The following DUSP16 variants were observed in gnomAD, a reference collection of about 807,000 sequenced individuals.
DUSP16 encodes dual specificity protein phosphatase 16.
A neutral mutation model predicts 58.3 loss-of-function variants in DUSP16; 21 were observed. The ratio of observed to expected loss-of-function variants is 0.36; its 90% CI spans 0.26 to 0.52. The LOEUF (loss-of-function observed/expected upper bound fraction) is 0.52, where lower values mean the gene tolerates loss of function less well. Among genes scored for constraint, DUSP16 ranks in the 20% least tolerant of loss-of-function variants. The probability of loss-of-function intolerance (pLI) is 0.94; values close to 1 mark genes in which losing one functional copy is unlikely to be tolerated. For synonymous variants in DUSP16, 320 were observed against 323.8 expected (o/e 0.99, Z 0.12); for missense variants, 726 against 819.0 (o/e 0.89, Z 1.39).
At chr12:12,530,821 C>T (rs1160757850) in intron 1 of DUSP16, among the ~76,000 whole-genome samples, 1 of 151,976 alleles carries the variant, frequency 6.6e-6, no homozygotes, top group African/African-American at 2.4e-5. Context: ...ATCAAAGACA[C>T]ATTAAGCAAG....
rs1029453397 is a variant in DUSP16, at chr12:12,562,426, TGAA to T, written c.-678_-676del. 4.1e-5 allele frequency: 6 copies of T among 145,992 alleles called. No homozygotes were observed. Among genetic ancestry groups the T allele is most frequent in the African/African-American group, 1.5e-4 (6 of 39,174 alleles). The allele number at this position is 145,992 out of a possible 1,614,324, so 9.0% of individuals were successfully genotyped here. A position where few individuals can be genotyped will look rare whatever the true frequency, so the allele number is the denominator to read the frequency against. The stretch of plus-strand genomic sequence containing the variant: ...CCTTCAAAAAAAATGTCGAAAGAGA[TGAA>T]GAACTTAGGGAGGTAAAGGTGGGGG... On this transcript the variant is annotated 5_prime_UTR_variant, in exon 1 of 7. Transcript: ENST00000298573.
At chr12:12,555,529 CCATTT>C (rs1440768870) in intron 1 of DUSP16, among the ~76,000 whole-genome samples, 1 of 152,126 alleles carries the variant, frequency 6.6e-6, no homozygotes, top group East Asian at 1.9e-4. Flanking sequence ...ACATCTTTCC[CCATTT>C]ATTTTAAGAG....
At chr12:12,531,701 T>A (rs71457155) in intron 1 of DUSP16, among the ~76,000 whole-genome samples, 3,709 of 152,112 alleles carry the variant, frequency 0.024, 73 homozygotes, top group South Asian at 0.052. Context: ...CGAAACCCCG[T>A]CTCTACTAAA....
chr12:12,480,074 C>T (rs1943534956), intron 6 of DUSP16, 149 bp downstream of exon 6: 1 of 1,112,574 alleles, frequency 9.0e-7, no homozygotes, highest in Admixed American at 2.4e-5. Flanking sequence ...TTCCAATCTT[C>T]ACAAGACCAT....
At chr12:12,545,109 T>C (rs1944622319) in intron 1 of DUSP16, among the ~76,000 whole-genome samples, 1 of 152,228 alleles carries the variant, frequency 6.6e-6, no homozygotes, top group Admixed American at 6.5e-5. Flanking sequence ...TATAAACTTC[T>C]GTAAAAGTTT....
At chr12:12,515,051 G>A (rs917455960) in intron 3 of DUSP16, among the ~76,000 whole-genome samples, 7 of 151,858 alleles carry the variant, frequency 4.6e-5, no homozygotes, top group Non-Finnish European at 1.0e-4. Context: ...TCAAAATATA[G>A]TTTATCAGAC....
At chr12:12,542,426 G>A (rs1944577010) in intron 1 of DUSP16, among the ~76,000 whole-genome samples, 3 of 150,234 alleles carry the variant, frequency 2.0e-5, no homozygotes, top group African/African-American at 7.3e-5. Context: ...CCCAGAAAGG[G>A]CAAATGCATA....
chr12:12,497,265 T>C (rs757510993), intron 4 of DUSP16, among the ~76,000 whole-genome samples: 7 of 152,252 alleles, frequency 4.6e-5, no homozygotes, highest in Non-Finnish European at 7.3e-5. Context: ...TGACTTGCAT[T>C]ATATTTCTGT....
chr12:12,496,080 C>A (rs534320046), intron 4 of DUSP16, among the ~76,000 whole-genome samples: 2 of 152,296 alleles, frequency 1.3e-5, no homozygotes, highest in East Asian at 1.9e-4. Flanking sequence ...CAAAACTGTC[C>A]ACCCCTAAAG....
intron 3 of DUSP16, among the ~76,000 whole-genome samples, chr12:12,511,584 T>G (rs969369937): frequency 5.9e-5 from 9 of 152,182 alleles, no homozygotes; most frequent in African/African-American, 1.9e-4. Context: ...AAAATTCCAC[T>G]GCCCTAATCA....
intron 1 of DUSP16, among the ~76,000 whole-genome samples, chr12:12,522,803 A>G (rs1022724209): frequency 1.3e-5 from 2 of 152,094 alleles, no homozygotes; most frequent in African/African-American, 4.8e-5. Context: ...GGCTCAAGCA[A>G]TCCACCTGTC....
chr12:12,500,709 A>G, intron 3 of DUSP16, 27 bp from the exon 4 acceptor site: 1 of 1,509,468 alleles, frequency 6.6e-7, no homozygotes. Context: ...TAAAATTATA[A>G]AAAATTATGC....
At chr12:12,484,069 C>A (rs1345169124) in intron 5 of DUSP16, among the ~76,000 whole-genome samples, 1 of 151,974 alleles carries the variant, frequency 6.6e-6, no homozygotes, top group Non-Finnish European at 1.5e-5. Context: ...TTCTACTACT[C>A]TGTATGTATG....
At chr12:12,486,964 AG>A (rs1943693962) in intron 5 of DUSP16, 63 bp downstream of exon 5, 1 of 1,578,352 alleles carries the variant, frequency 6.3e-7, no homozygotes, top group South Asian at 1.1e-5. Context: ...TGGGGGGCTG[AG>A]GGGGTTCACC....
intron 1 of DUSP16, among the ~76,000 whole-genome samples, chr12:12,555,867 C>A (rs1297993549): frequency 6.6e-6 from 1 of 151,974 alleles, no homozygotes; most frequent in Non-Finnish European, 1.5e-5. Flanking sequence ...CATAGCAAGA[C>A]CCTGTCTCTA....
chr12:12,532,827 A>C (rs1347069145), intron 1 of DUSP16, among the ~76,000 whole-genome samples: 2 of 152,140 alleles, frequency 1.3e-5, no homozygotes, highest in African/African-American at 4.8e-5. Context: ...GCATGCCTGT[A>C]ATCCCAGCTA....
At chr12:12,505,561 A>AC (rs1230299629) in intron 3 of DUSP16, among the ~76,000 whole-genome samples, 3 of 152,272 alleles carry the variant, frequency 2.0e-5, no homozygotes, top group East Asian at 1.9e-4. Flanking sequence ...CTGTCAGGTC[A>AC]CCCCCCACAG....
At chr12:12,513,613 A>C (rs983915037) in intron 3 of DUSP16, among the ~76,000 whole-genome samples, 9 of 152,310 alleles carry the variant, frequency 5.9e-5, no homozygotes, top group Non-Finnish European at 1.3e-4. Flanking sequence ...TTTCTCCCGC[A>C]ATCGCTGTAG....
chr12:12,480,898 T>C (rs1943551929), intron 5 of DUSP16, among the ~76,000 whole-genome samples: 1 of 152,098 alleles, frequency 6.6e-6, no homozygotes, highest in Admixed American at 6.6e-5. Context: ...TTTCTATTTT[T>C]AGTGGAGTTG....
Sources: allele counts gnomAD v4.1 joint callset (sites outside exome capture counted in the v4.1 genomes callset), GRCh38; gene constraint gnomAD v4.1.1; transcripts MANE v1.5; gene names NCBI Gene and HGNC (gene_info 2026-07-23, HGNC 2026-07-21).